The following LDB2 variants were observed in gnomAD, a reference collection of about 807,000 sequenced individuals.
LDB2 encodes LIM domain binding 2, also known as LIM domain-binding protein 2.
A neutral mutation model predicts 44.3 loss-of-function variants in LDB2; 12 were observed. That is an observed-to-expected ratio of 0.27 (90% CI 0.17 to 0.44). LDB2 has a LOEUF of 0.44. LDB2 is among the 20% of genes least tolerant of loss of function. The probability of loss-of-function intolerance (pLI) is 1.00; values close to 1 mark genes in which losing one functional copy is unlikely to be tolerated. For synonymous variants in LDB2, 164 were observed against 174.8 expected, an observed-to-expected ratio of 0.94 and a Z score of 0.49; for missense variants, 344 against 473.5, an observed-to-expected ratio of 0.73 and a Z score of 2.54.
At chr4:16,680,226 T>G (rs929416251) in intron 2 of LDB2, among the ~76,000 whole-genome samples, 1 of 152,220 alleles carries the variant, frequency 6.6e-6, no homozygotes, top group African/African-American at 2.4e-5. Context: ...AATGCTGGAC[T>G]TCCCTGCTTT....
rs567172490 is a variant in LDB2, at chr4:16,572,196, T to C, written c.615+13726A>G. On this transcript the variant is annotated intron_variant, in intron 5 of 7. Transcript: ENST00000304523. ...TAAATTCAAACAACTCCCTTCATGC[T>C]TTGCCCTCCCCATTTTCCTGATATA... Among the ~76,000 whole-genome samples the C allele has an allele frequency of 7.9e-5, 12 of 152,316 alleles. No individual in the cohort carries two copies. In the South Asian group the frequency reaches 2.5e-3, roughly 32 times the overall value.
intron 2 of LDB2, among the ~76,000 whole-genome samples, chr4:16,614,839 G>C (rs1726765986): frequency 6.6e-6 from 1 of 151,218 alleles, no homozygotes; most frequent in Non-Finnish European, 1.5e-5. Flanking sequence ...GGGAGGCCGA[G>C]GCGGGCGGAT....
At chr4:16,739,710 A>ATG (rs1439564305) in intron 2 of LDB2, among the ~76,000 whole-genome samples, 2,228 of 91,148 alleles carry the variant, frequency 0.024, 516 homozygotes, top group East Asian at 0.16. Flanking sequence ...ATATGTGTAT[A>ATG]TATGTATATA....
intron 2 of LDB2, among the ~76,000 whole-genome samples, chr4:16,603,444 A>G (rs960980395): frequency 5.9e-5 from 9 of 152,156 alleles, no homozygotes; most frequent in Non-Finnish European, 1.0e-4. Flanking sequence ...AAGGTGGTAT[A>G]TTCCCGTGAT....
At chr4:16,894,042 A>G (rs1404405322) in intron 1 of LDB2, among the ~76,000 whole-genome samples, 1 of 152,164 alleles carries the variant, frequency 6.6e-6, no homozygotes, top group Non-Finnish European at 1.5e-5. Context: ...CTATATTTTC[A>G]TCTCAGGGCT....
intron 5 of LDB2, among the ~76,000 whole-genome samples, chr4:16,520,116 GT>G (rs138286872): frequency 0.043 from 6,583 of 151,970 alleles, 251 homozygotes; most frequent in African/African-American, 0.099. Context: ...CCACAGCCAG[GT>G]TTTTTCACCC....
At chr4:16,688,931 A>C (rs753897341) in intron 2 of LDB2, among the ~76,000 whole-genome samples, 1 of 152,276 alleles carries the variant, frequency 6.6e-6, no homozygotes, top group Non-Finnish European at 1.5e-5. Flanking sequence ...AGTCTATCCA[A>C]ATAAACAACA....
At chr4:16,854,786 A>C (rs770320099) in intron 1 of LDB2, among the ~76,000 whole-genome samples, 1 of 151,742 alleles carries the variant, frequency 6.6e-6, no homozygotes, top group African/African-American at 2.4e-5. Context: ...GATATACGCT[A>C]TATTAATGAA....
At chr4:16,855,388 C>T (rs17759262) in intron 1 of LDB2, among the ~76,000 whole-genome samples, 34,406 of 151,928 alleles carry the variant, frequency 0.23, 4,227 homozygotes, top group South Asian at 0.39. Flanking sequence ...CCATCGAGTA[C>T]GTGAGTTTTT....
chr4:16,765,567 T>A (rs752994525), intron 1 of LDB2, among the ~76,000 whole-genome samples: 1 of 152,244 alleles, frequency 6.6e-6, no homozygotes, highest in Non-Finnish European at 1.5e-5. Context: ...GGATAGGGAA[T>A]GGACATTATG....
chr4:16,508,465 T>G, intron 7 of LDB2, 70 bp downstream of exon 7: 3 of 1,271,078 alleles, frequency 2.4e-6, no homozygotes, highest in South Asian at 2.2e-5. Context: ...GAAAAGAGAC[T>G]TTAATTTGGG....
intron 5 of LDB2, among the ~76,000 whole-genome samples, chr4:16,536,513 G>C (rs1175642624): frequency 6.6e-6 from 1 of 152,194 alleles, no homozygotes; most frequent in Non-Finnish European, 1.5e-5. Context: ...TTCCTTCAGG[G>C]GAAACAGACA....
intron 2 of LDB2, among the ~76,000 whole-genome samples, chr4:16,737,566 G>A (rs943856913): frequency 1.4e-4 from 22 of 152,248 alleles, no homozygotes; most frequent in African/African-American, 3.6e-4. Context: ...CAGGAAGTAC[G>A]TTAATTAGAT....
intron 1 of LDB2, among the ~76,000 whole-genome samples, chr4:16,780,516 C>A (rs892036556): frequency 6.6e-6 from 1 of 152,170 alleles, no homozygotes. Context: ...ATCCACCGCA[C>A]CTGGCCAAGA....
intron 2 of LDB2, among the ~76,000 whole-genome samples, chr4:16,756,240 A>G (rs1766616680): frequency 1.3e-5 from 2 of 152,174 alleles, no homozygotes; most frequent in South Asian, 4.1e-4. Context: ...ACTTCGGGCC[A>G]GGAGTTAGAG....
intron 7 of LDB2, chr4:16,507,105 C>T (rs969817876): frequency 2.6e-5 from 4 of 152,028 alleles, no homozygotes; most frequent in Admixed American, 6.5e-5. Flanking sequence ...TTGGCTTTTT[C>T]CCCCTGATCT....
chr4:16,874,086 T>A (rs1455556682), intron 1 of LDB2, among the ~76,000 whole-genome samples: 1 of 152,118 alleles, frequency 6.6e-6, no homozygotes, highest in Non-Finnish European at 1.5e-5. Flanking sequence ...GCTTTTTGAC[T>A]GTTACGAACA....
At position 16,502,631 on chromosome 4, in the gene LDB2, G is replaced by C; in HGVS notation, c.*12C>G. 6.2e-7 allele frequency: 1 copy of C among 1,612,646 alleles called. No homozygotes were observed. Among genetic ancestry groups the C allele is most frequent in the Non-Finnish European group, 8.5e-7 (1 of 1,178,764 alleles). ...ACGGGCCTATTGACAGTGGATTCTG[G>C]TGCCGATCATCTTATTGGGAAGCCT... On this transcript the variant is annotated 3_prime_UTR_variant, in exon 8 of 8. Transcript: ENST00000304523.
chr4:16,842,428 T>TA (rs199547513), intron 1 of LDB2, among the ~76,000 whole-genome samples: 76 of 149,940 alleles, frequency 5.1e-4, no homozygotes, highest in Middle Eastern at 3.4e-3. Context: ...TTCTGTAAAT[T>TA]AAAAAAAAAA....
Sources: allele counts gnomAD v4.1 joint callset (sites outside exome capture counted in the v4.1 genomes callset), GRCh38; gene constraint gnomAD v4.1.1; transcripts MANE v1.5; gene names NCBI Gene and HGNC (gene_info 2026-07-23, HGNC 2026-07-21).